The following PHACTR3 variants were observed in gnomAD, a reference collection of about 807,000 sequenced individuals.
PHACTR3 encodes the protein protein phosphatase 1, regulatory subunit 123.
In PHACTR3, 16 loss-of-function variants were observed where a neutral mutation model predicts 66.8. That is an observed-to-expected ratio of 0.24 (90% CI 0.16 to 0.36). The LOEUF is 0.36. PHACTR3 is among the 10% of genes least tolerant of loss of function. The probability of loss-of-function intolerance (pLI) is 1.00; values close to 1 mark genes in which losing one functional copy is unlikely to be tolerated. For missense variants in PHACTR3, 647 were observed against 719.9 expected (o/e 0.90, Z 1.16); for synonymous variants, 323 against 292.1 (o/e 1.11, Z -1.08).
At chr20:59,695,934 T>A (rs866713500) in intron 1 of PHACTR3, among the ~76,000 whole-genome samples, 28 of 152,246 alleles carry the variant, frequency 1.8e-4, no homozygotes, top group Middle Eastern at 3.4e-3. Context: ...GGTTTCTCCA[T>A]GTTGGCCAGG....
intron 1 of PHACTR3, among the ~76,000 whole-genome samples, chr20:59,632,539 A>G (rs2034706025): frequency 6.6e-6 from 1 of 152,206 alleles, no homozygotes; most frequent in Non-Finnish European, 1.5e-5. Flanking sequence ...GAACTAGCCC[A>G]AAGGAAAGCT....
chr20:59,586,550 A>G (rs932389049), intron 1 of PHACTR3, among the ~76,000 whole-genome samples: 19 of 152,244 alleles, frequency 1.2e-4, no homozygotes, highest in African/African-American at 4.3e-4. Context: ...GTTTGGTTAA[A>G]CATTGGGATG....
At chr20:59,615,207 G>A (rs1254453644) in intron 1 of PHACTR3, among the ~76,000 whole-genome samples, 3 of 152,128 alleles carry the variant, frequency 2.0e-5, no homozygotes, top group Non-Finnish European at 1.5e-5. Flanking sequence ...ACAGAAATAT[G>A]CGAAGAAACC....
intron 1 of PHACTR3, among the ~76,000 whole-genome samples, chr20:59,660,743 T>C (rs2035780459): frequency 6.6e-6 from 1 of 152,244 alleles, no homozygotes; most frequent in Non-Finnish European, 1.5e-5. Context: ...ATATAAACAC[T>C]GAGTATCTAC....
At chr20:59,581,697 C>T (rs1023366398) in intron 1 of PHACTR3, among the ~76,000 whole-genome samples, 3 of 150,730 alleles carry the variant, frequency 2.0e-5, no homozygotes, top group South Asian at 2.1e-4. Flanking sequence ...CTGGCTAACA[C>T]GGTGAAATCC....
intron 1 of PHACTR3, among the ~76,000 whole-genome samples, chr20:59,666,558 GAGAGAC>G (rs1158942450): frequency 1.3e-5 from 2 of 151,980 alleles, no homozygotes; most frequent in African/African-American, 2.4e-5. Flanking sequence ...GAGAGACAAA[GAGAGAC>G]AGAGACAGAG....
chr20:59,802,610 G>A (rs1052087064), intron 7 of PHACTR3, among the ~76,000 whole-genome samples: 3 of 152,206 alleles, frequency 2.0e-5, no homozygotes, highest in African/African-American at 4.8e-5. Flanking sequence ...TTGTGTCTGT[G>A]TGCAGGGAGC....
chr20:59,771,584 C>A (rs1211564573), intron 5 of PHACTR3, among the ~76,000 whole-genome samples: 1 of 152,000 alleles, frequency 6.6e-6, no homozygotes, highest in African/African-American at 2.4e-5. Context: ...GCCCTCTCGC[C>A]CCCCTCCCTC....
intron 1 of PHACTR3, among the ~76,000 whole-genome samples, chr20:59,722,424 C>A (rs2146683733): frequency 6.6e-6 from 1 of 152,142 alleles, no homozygotes; most frequent in Admixed American, 6.5e-5. Context: ...GAGGCAGCAA[C>A]AAACAGGGCA....
intron 7 of PHACTR3, among the ~76,000 whole-genome samples, chr20:59,796,041 C>T (rs1304692662): frequency 6.6e-6 from 1 of 151,996 alleles, no homozygotes; most frequent in East Asian, 1.9e-4. Flanking sequence ...TTTTGATCCT[C>T]TTTTCCTCTG....
At chr20:59,635,147 C>A (rs868005282) in intron 1 of PHACTR3, among the ~76,000 whole-genome samples, 1 of 24,256 alleles carries the variant, frequency 4.1e-5, no homozygotes. Flanking sequence ...TTCTTTCTTT[C>A]TTTTTCTTTC....
intron 1 of PHACTR3, among the ~76,000 whole-genome samples, chr20:59,654,255 C>T (rs1285831757): frequency 1.3e-5 from 2 of 152,128 alleles, no homozygotes; most frequent in Non-Finnish European, 2.9e-5. Context: ...ATTCTGCCTT[C>T]CTGTTTTATT....
In PHACTR3 at chr20:59,829,192, C is replaced by T. The variant is rs2042275895; in HGVS notation, c.1329-7313C>T. On this transcript the variant is annotated intron_variant, in intron 8 of 12. Coordinates refer to ENST00000371015, the MANE Select transcript of PHACTR3 (RefSeq NM_080672.5). The surrounding 1 kb of genome is among the most constrained non-coding windows in gnomAD (Gnocchi z 4.2). ...CCTGGAGTCACATCCTCCCCGGCAT[C>T]CCAGAAGTCAGGACTGCTGGCTGCT... Among the ~76,000 whole-genome samples, 1 of 152,138 alleles carries T rather than the reference C, an allele frequency of 6.6e-6. No individual in the cohort carries two copies. Among genetic ancestry groups the T allele is most frequent in the East Asian group, 1.9e-4 (1 of 5,166 alleles).
At position 59,806,045 on chromosome 20, in the gene PHACTR3, A is replaced by G. The variant is rs1374283959; in HGVS notation, c.1179A>G (p.Thr393=). ...TGCCCTGGATGGGGCTTTTAGGAAC[A>G]CTGCCACGGAAATGCAAGAAGGAGC... ...EALNDSIISG[T]LPRKCKKELL... The change falls in exon 8 of 13, where the codon ACA becomes ACG. Residue 393 remains threonine (T), a synonymous_variant. Transcript: ENST00000371015. The G allele has an allele frequency of 1.2e-6, 2 of 1,613,602 alleles. No individual in the cohort carries two copies. Among genetic ancestry groups the G allele is most frequent in the Non-Finnish European group, 1.7e-6 (2 of 1,179,776 alleles).
intron 5 of PHACTR3, among the ~76,000 whole-genome samples, chr20:59,767,787 T>C (rs1449284461): frequency 6.6e-6 from 1 of 152,248 alleles, no homozygotes; most frequent in African/African-American, 2.4e-5. Flanking sequence ...TTTCTTTTTC[T>C]TTTTTCTTTT....
Position 59,821,292 on chromosome 20 carries a change from C to G in PHACTR3, c.1328+15098C>G, listed in dbSNP as rs547068559. On this transcript the variant is annotated intron_variant, in intron 8 of 12. Coordinates refer to ENST00000371015, the MANE Select transcript of PHACTR3 (RefSeq NM_080672.5). ...TCCCTGGAATAGTTGCACAGGCGGTCAGGACTGGCATGGTTGTTCCAAAAT... is the reference window on the plus strand; with the variant it reads ...TCCCTGGAATAGTTGCACAGGCGGTGAGGACTGGCATGGTTGTTCCAAAAT... Among the ~76,000 whole-genome samples the G allele has an allele frequency of 3.3e-4, 50 of 152,284 alleles. 1 individual carries two copies. Among genetic ancestry groups the G allele is most frequent in the African/African-American group, 1.2e-3 (50 of 41,554 alleles).
At chr20:59,747,397 G>A (rs888020169) in intron 2 of PHACTR3, among the ~76,000 whole-genome samples, 1 of 152,244 alleles carries the variant, frequency 6.6e-6, no homozygotes, top group Non-Finnish European at 1.5e-5. Context: ...GCGGCAGAGG[G>A]AGGGCACTTT....
At chr20:59,772,240 T>A (rs1235246964) in intron 5 of PHACTR3, among the ~76,000 whole-genome samples, 1 of 152,180 alleles carries the variant, frequency 6.6e-6, no homozygotes, top group Non-Finnish European at 1.5e-5. Context: ...CTGTCATTGA[T>A]GGAAGGAGGG....
intron 8 of PHACTR3, among the ~76,000 whole-genome samples, chr20:59,834,832 C>G (rs2042480409): frequency 6.6e-6 from 1 of 152,208 alleles, no homozygotes; most frequent in Admixed American, 6.5e-5. Context: ...ACCTCTAGAC[C>G]AGGGGCATCC....
Sources: gnomAD v4.1 joint callset for allele counts (sites outside exome capture counted in the v4.1 genomes callset) on GRCh38, gnomAD v4.1.1 for gene constraint, Gnocchi (gnomAD v3.1) non-coding constraint, MANE v1.5 for transcripts, NCBI Gene and HGNC (gene_info 2026-07-23, HGNC 2026-07-21) for gene names.